PICALM: variants seen among roughly 807,000 people sequenced by gnomAD.
PICALM encodes the protein phosphatidylinositol-binding clathrin assembly protein.
In PICALM, 40 loss-of-function variants were observed where a neutral mutation model predicts 80.5. That is an observed-to-expected ratio of 0.50 (90% CI 0.39 to 0.65). The LOEUF (loss-of-function observed/expected upper bound fraction) is 0.65. PICALM is among the 30% of genes least tolerant of loss of function. The pLI is 0.00. For synonymous variants in PICALM, 288 were observed against 260.3 expected (o/e 1.11, Z -1.02); for missense variants, 676 against 778.9 (o/e 0.87, Z 1.57).
At chr11:85,986,680 G>T (rs2094583394) in intron 13 of PICALM, among the ~76,000 whole-genome samples, 1 of 152,120 alleles carries the variant, frequency 6.6e-6, no homozygotes, top group Non-Finnish European at 1.5e-5. Flanking sequence ...GTGAGCCACC[G>T]CGCCCGGCCC....
At chr11:85,978,276 C>A in intron 17 of PICALM, 1 of 528,784 alleles carries the variant, frequency 1.9e-6, no homozygotes, top group Non-Finnish European at 3.4e-6. Flanking sequence ...TCAAGGTTGA[C>A]AAGGGAATTG....
intron 1 of PICALM, among the ~76,000 whole-genome samples, chr11:86,060,245 A>T (rs1289971764): frequency 1.3e-5 from 2 of 152,200 alleles, no homozygotes; most frequent in African/African-American, 4.8e-5. Flanking sequence ...CACACTTTTA[A>T]AATTGAGGAG....
At position 86,001,149 on chromosome 11, in the gene PICALM, T is replaced by C. The variant is rs766463051; in HGVS notation, c.903A>G (p.Thr301=). 3 of 1,613,568 alleles carry C rather than the reference T, an allele frequency of 1.9e-6. No individual in the cohort carries two copies. The South Asian group carries it at 3.3e-5, about 18-fold the overall frequency. Residue 301 remains threonine (T), a synonymous_variant, in exon 10 of 20, where the codon ACA becomes ACG. Transcript: ENST00000393346. ...KDSTAASRAT[T]LSNAVSSLAS... Reference sequence around the variant, plus strand: ...CCAGGGAAGACACTGCATTGGAAAGTGTAGTTGCCCTAGGATAATTGAACA... The same window carrying C: ...CCAGGGAAGACACTGCATTGGAAAGCGTAGTTGCCCTAGGATAATTGAACA...
At chr11:85,998,377 C>T (rs1479740485) in intron 11 of PICALM, among the ~76,000 whole-genome samples, 4 of 151,962 alleles carry the variant, frequency 2.6e-5, no homozygotes, top group Non-Finnish European at 5.9e-5. Flanking sequence ...TCCCAAAATG[C>T]TGGGATTACA....
chr11:86,018,318 CAT>C (rs1234332885), intron 4 of PICALM, among the ~76,000 whole-genome samples: 2 of 152,118 alleles, frequency 1.3e-5, no homozygotes, highest in African/African-American at 4.8e-5. Flanking sequence ...AAAATGAACA[CAT>C]ATGAACGCAT....
chr11:86,049,602 G>C (rs773024436), intron 1 of PICALM, among the ~76,000 whole-genome samples: 33 of 151,412 alleles, frequency 2.2e-4, no homozygotes, highest in Non-Finnish European at 2.8e-4. Flanking sequence ...ACCCAGGCTG[G>C]AGTGCAGTGG....
chr11:86,010,203 C>T (rs746864550), intron 7 of PICALM, among the ~76,000 whole-genome samples: 33 of 152,068 alleles, frequency 2.2e-4, no homozygotes, highest in Non-Finnish European at 8.8e-5. Context: ...ACCTGCCTTC[C>T]GTGACAATTT....
Position 85,994,629 on chromosome 11 carries a change from A to C in PICALM, c.1258+2197T>G, listed in dbSNP as rs1163101292. 2.0e-5 allele frequency among the ~76,000 whole-genome samples: 3 copies of C among 152,346 alleles called. No individual in the cohort carries two copies. The East Asian group carries it at 5.8e-4, about 29-fold the overall frequency. On this transcript the variant is annotated intron_variant, in intron 12 of 19. Transcript: ENST00000393346. ...ACTATAACAGCAGCATTATATGTAA[A>C]ATGTTACATATTTAAGTGTTCAAGT...
At chr11:86,051,694 A>T (rs2096191495) in intron 1 of PICALM, among the ~76,000 whole-genome samples, 1 of 152,164 alleles carries the variant, frequency 6.6e-6, no homozygotes, top group Non-Finnish European at 1.5e-5. Flanking sequence ...GAAAGTTGAC[A>T]TCTCAAAATG....
chr11:85,959,642 A>AAC, intron 19 of PICALM, among the ~76,000 whole-genome samples: 1 of 150,118 alleles, frequency 6.7e-6, no homozygotes, highest in African/African-American at 2.4e-5. Context: ...TCAAAAAAAA[A>AAC]AAAAAAAAAA....
chr11:86,068,535 G>T, intron 1 of PICALM, 116 bp downstream of exon 1: 1 of 990,284 alleles, frequency 1.0e-6, no homozygotes, highest in Non-Finnish European at 1.5e-6. Context: ...GGCCGTGCCA[G>T]AGAAGACGCA....
intron 1 of PICALM, 96 bp downstream of exon 1, chr11:86,068,555 G>A: frequency 8.5e-7 from 1 of 1,170,394 alleles, no homozygotes; most frequent in Non-Finnish European, 1.2e-6. Flanking sequence ...AGGGAGGGAA[G>A]AGGCAGTAGA....
chr11:85,964,343 A>G (rs751263131), intron 19 of PICALM, among the ~76,000 whole-genome samples: 5 of 152,194 alleles, frequency 3.3e-5, no homozygotes, highest in Non-Finnish European at 7.3e-5. Context: ...ATTCTGTCTC[A>G]TTGGCAAAAT....
chr11:86,045,643 T>C (rs551746363), intron 1 of PICALM, among the ~76,000 whole-genome samples: 3 of 151,650 alleles, frequency 2.0e-5, no homozygotes, highest in Admixed American at 6.6e-5. Context: ...AAAGGAATTA[T>C]AAAATTTTAT....
At position 86,052,994 on chromosome 11, in the gene PICALM, G is replaced by A. The variant is rs138959694; in HGVS notation, c.130+15657C>T. The stretch of plus-strand genomic sequence containing the variant: ...CTAATAACTTATCATTTAAGGTCCA[G>A]TTATCTTCCCTTATCAAAAGCAGTA... On this transcript the variant is annotated intron_variant, in intron 1 of 19. Coordinates refer to ENST00000393346, the MANE Select transcript of PICALM (RefSeq NM_007166.4). Among the ~76,000 whole-genome samples, 472 of 152,230 alleles carry A rather than the reference G, an allele frequency of 3.1e-3. 4 individuals are homozygous for A. The highest frequency in any genetic ancestry group is 0.011 in the South Asian group (51 of 4,816).
chr11:86,053,078 A>G (rs1277568248), intron 1 of PICALM, among the ~76,000 whole-genome samples: 1 of 152,222 alleles, frequency 6.6e-6, no homozygotes, highest in Non-Finnish European at 1.5e-5. Flanking sequence ...TTGTCTGGCA[A>G]TACAGCTATC....
intron 1 of PICALM, among the ~76,000 whole-genome samples, chr11:86,062,572 GA>G (rs924564024): frequency 6.6e-6 from 1 of 151,614 alleles, no homozygotes; most frequent in Admixed American, 6.6e-5. Context: ...AAAGATGTCT[GA>G]ATGTAGGTCC....
At chr11:86,057,700 T>C (rs1053903144) in intron 1 of PICALM, among the ~76,000 whole-genome samples, 2 of 152,180 alleles carry the variant, frequency 1.3e-5, no homozygotes, top group South Asian at 2.1e-4. Flanking sequence ...CTACTGAACA[T>C]GCGCAGACAT....
rs575613893 is a variant in PICALM at position 86,055,682 on chromosome 11, C to T, written c.130+12969G>A. ...CAAATATCTTTGGTTTTCCTTAATA[C>T]AAATGTGTTTCTTCATACCATATAC... On this transcript the variant is annotated intron_variant, in intron 1 of 19. Transcript: ENST00000393346. 6.4e-4 allele frequency among the ~76,000 whole-genome samples: 98 copies of T among 152,284 alleles called. 2 individuals are homozygous for T. Among genetic ancestry groups the T allele is most frequent in the African/African-American group, 2.2e-3 (90 of 41,558 alleles).
Sources: allele counts gnomAD v4.1 joint callset (sites outside exome capture counted in the v4.1 genomes callset), GRCh38; gene constraint gnomAD v4.1.1; transcripts MANE v1.5; gene names NCBI Gene and HGNC (gene_info 2026-07-23, HGNC 2026-07-21).